Variants in GABRA3 observed in about 807,000 individuals in gnomAD.
GABRA3 encodes gamma-aminobutyric acid receptor subunit alpha-3.
GABRA3 carries 10 observed loss-of-function variants against 30.1 expected under a neutral mutation model. That is an observed-to-expected ratio of 0.33 (90% CI 0.20 to 0.56). GABRA3 has a LOEUF of 0.56. GABRA3 is among the 20% of genes least tolerant of loss of function. GABRA3 has a pLI of 0.89. For synonymous variants in GABRA3, 151 were observed against 146.8 expected, an observed-to-expected ratio of 1.03 and a Z score of -0.21; for missense variants, 233 against 392.0, an observed-to-expected ratio of 0.59 and a Z score of 3.42.
intron 4 of GABRA3, among the ~76,000 whole-genome samples, chrX:152,277,595 C>A (rs1939110714): frequency 9.0e-6 from 1 of 111,694 alleles, no homozygotes; most frequent in African/African-American, 3.3e-5. Flanking sequence ...CAAAAGCAAT[C>A]AGATTTTGAC....
chrX:152,315,984 C>G (rs1320584960), intron 3 of GABRA3, among the ~76,000 whole-genome samples: 1 of 86,533 alleles, frequency 1.2e-5, no homozygotes, highest in Non-Finnish European at 2.3e-5. Context: ...CCCCCCCCCC[C>G]CACCACATGA....
At chrX:152,194,329 C>T (rs1324794944) in intron 8 of GABRA3, among the ~76,000 whole-genome samples, 1 of 111,943 alleles carries the variant, frequency 8.9e-6, no homozygotes, top group Non-Finnish European at 1.9e-5. Flanking sequence ...TATCTGTTTA[C>T]ATCTTTTGCC....
chrX:152,448,490 C>T (rs1423333856), intron 1 of GABRA3, among the ~76,000 whole-genome samples: 1 of 111,270 alleles, frequency 9.0e-6, no homozygotes. Flanking sequence ...AGTCATATGT[C>T]CAAGATAATC....
intron 6 of GABRA3, among the ~76,000 whole-genome samples, chrX:152,223,418 C>A (rs911601761): frequency 8.1e-5 from 9 of 111,259 alleles, no homozygotes; most frequent in African/African-American, 2.9e-4. Context: ...CAGATAATGC[C>A]ATTCTTTTGT....
At chrX:152,358,408 A>T (rs1482780024) in intron 2 of GABRA3, among the ~76,000 whole-genome samples, 1 of 111,586 alleles carries the variant, frequency 9.0e-6, no homozygotes, top group Non-Finnish European at 1.9e-5. Context: ...TGTATCCTGA[A>T]ACTTTGCTGA....
intron 4 of GABRA3, among the ~76,000 whole-genome samples, chrX:152,266,265 T>G (rs1202910689): frequency 8.9e-6 from 1 of 111,812 alleles, no homozygotes; most frequent in Non-Finnish European, 1.9e-5. Context: ...CAACAACACA[T>G]TAAAAAGATC....
chrX:152,271,560 G>C (rs971778288), intron 4 of GABRA3, among the ~76,000 whole-genome samples: 10 of 112,325 alleles, frequency 8.9e-5, no homozygotes, highest in Non-Finnish European at 1.5e-4. Context: ...CTGAAAATGT[G>C]ATAGAAAAGA....
chrX:152,203,889 T>C (rs1484432701), intron 7 of GABRA3, among the ~76,000 whole-genome samples: 2 of 111,923 alleles, frequency 1.8e-5, no homozygotes, highest in Non-Finnish European at 3.8e-5. Context: ...CCCCTTTCCA[T>C]GTAACCTAAC....
intron 1 of GABRA3, among the ~76,000 whole-genome samples, chrX:152,415,237 G>A (rs1441231546): frequency 9.0e-6 from 1 of 111,203 alleles, no homozygotes; most frequent in Non-Finnish European, 1.9e-5. Context: ...GTTAATAATA[G>A]GGGAAACTCA....
At chrX:152,437,054 G>C (rs1210955633) in intron 1 of GABRA3, among the ~76,000 whole-genome samples, 6 of 111,368 alleles carry the variant, frequency 5.4e-5, no homozygotes, top group Non-Finnish European at 7.5e-5. Context: ...TTCTCCAAAT[G>C]AGATACACAG....
intron 9 of GABRA3, among the ~76,000 whole-genome samples, chrX:152,174,716 A>G (rs1239017986): frequency 2.7e-5 from 3 of 111,712 alleles, no homozygotes; most frequent in Non-Finnish European, 5.6e-5. Flanking sequence ...AGTAGGTTGC[A>G]AAAATTTTCT....
chrX:152,449,188 A>G (rs1187460959), intron 1 of GABRA3, among the ~76,000 whole-genome samples: 2 of 112,246 alleles, frequency 1.8e-5, no homozygotes, highest in Admixed American at 9.5e-5. Flanking sequence ...ACCAACGAAT[A>G]TAAGTTACTG....
At chrX:152,318,887 A>G (rs760648778) in intron 3 of GABRA3, among the ~76,000 whole-genome samples, 161 of 111,572 alleles carry the variant, frequency 1.4e-3, no homozygotes, top group Non-Finnish European at 2.5e-3. Context: ...AATAATACTA[A>G]ACGGAGAAAA....
chrX:152,379,728 AAAC>A (rs1264776676), intron 1 of GABRA3, among the ~76,000 whole-genome samples: 1 of 112,232 alleles, frequency 8.9e-6, no homozygotes, highest in Non-Finnish European at 1.9e-5. Flanking sequence ...AATGCAAAGC[AAAC>A]AATAGCCTCT....
intron 1 of GABRA3, among the ~76,000 whole-genome samples, chrX:152,386,756 A>C (rs186305915): frequency 9.0e-6 from 1 of 111,005 alleles, no homozygotes; most frequent in Non-Finnish European, 1.9e-5. Flanking sequence ...TCAGGGATCT[A>C]GAACCAGAAA....
intron 1 of GABRA3, among the ~76,000 whole-genome samples, chrX:152,448,428 A>G (rs1931140873): frequency 8.9e-6 from 1 of 112,063 alleles, no homozygotes; most frequent in Non-Finnish European, 1.9e-5. Context: ...CCTCAGAGAC[A>G]CAGTCCATCT....
chrX:152,265,269 T>TA (rs1355726846), intron 4 of GABRA3, among the ~76,000 whole-genome samples: 5 of 111,448 alleles, frequency 4.5e-5, no homozygotes, highest in Non-Finnish European at 9.5e-5. Context: ...CTTAAAACAT[T>TA]AAAAAAATTT....
chrX:152,367,991 CTT>C (rs1213331379), intron 1 of GABRA3, among the ~76,000 whole-genome samples: 1 of 111,964 alleles, frequency 8.9e-6, no homozygotes, highest in Non-Finnish European at 1.9e-5. Context: ...CTTGTCATCT[CTT>C]GTCAAGATCA....
chrX:152,258,031 C>T (rs1445366351), intron 4 of GABRA3, among the ~76,000 whole-genome samples: 1 of 111,710 alleles, frequency 9.0e-6, no homozygotes, highest in Non-Finnish European at 1.9e-5. Context: ...CTGAAAATTA[C>T]TTCACTGTCC....
Sources: gnomAD v4.1 joint callset for allele counts (sites outside exome capture counted in the v4.1 genomes callset) on GRCh38, gnomAD v4.1.1 for gene constraint, MANE v1.5 for transcripts, NCBI Gene and HGNC (gene_info 2026-07-23, HGNC 2026-07-21) for gene names.